Variants in GALNTL6 observed in about 807,000 individuals in gnomAD.
GALNTL6 encodes the protein polypeptide N-acetylgalactosaminyltransferase like 6.
GALNTL6 carries 46 observed loss-of-function variants against 73.7 expected under a neutral mutation model. That is an observed-to-expected ratio of 0.62 (90% CI 0.49 to 0.80). GALNTL6 has a LOEUF of 0.80. GALNTL6 is among the 30% of genes least tolerant of loss of function. The pLI, the probability that GALNTL6 is intolerant of heterozygous loss-of-function variation, is 0.00. For missense variants in GALNTL6, 604 were observed against 755.0 expected (o/e 0.80, Z 2.34); for synonymous variants, 259 against 263.7 (o/e 0.98, Z 0.17).
At chr4:172,521,226 A>G (rs927352226) in intron 5 of GALNTL6, among the ~76,000 whole-genome samples, 3 of 152,140 alleles carry the variant, frequency 2.0e-5, no homozygotes, top group Non-Finnish European at 2.9e-5. Context: ...ACTTTAAGAC[A>G]GTATCTGTTT....
chr4:172,108,600 C>A (rs548821270), intron 2 of GALNTL6, among the ~76,000 whole-genome samples: 62 of 152,278 alleles, frequency 4.1e-4, no homozygotes, highest in African/African-American at 1.4e-3. Context: ...CATCCGGAAA[C>A]ACCCTCACAG....
rs199588709 is a variant in GALNTL6 at position 172,567,026 on chromosome 4, TAA to T, written c.553+218350_553+218351del. On this transcript the variant is annotated intron_variant, in intron 5 of 12. Coordinates refer to ENST00000506823, the MANE Select transcript of GALNTL6 (RefSeq NM_001034845.3). ...AACTTTTGACACTGTGAAGCTCCTT[TAA>T]AAAAAAAAAAAAGAATTCTGTTGTA... 1.7e-3 allele frequency among the ~76,000 whole-genome samples: 238 copies of T among 141,816 alleles called. 1 individual carries two copies. Among genetic ancestry groups the T allele is most frequent in the African/African-American group, 5.6e-3 (217 of 38,814 alleles). 93.0% of individuals were successfully genotyped at this position (141,816 alleles called of 152,430 possible). A position where few individuals can be genotyped will look rare whatever the true frequency, so the allele number is the denominator to read the frequency against.
intron 2 of GALNTL6, among the ~76,000 whole-genome samples, chr4:171,970,416 G>C (rs1170494932): frequency 6.6e-6 from 1 of 152,194 alleles, no homozygotes; most frequent in Non-Finnish European, 1.5e-5. Context: ...GAATACTAGT[G>C]ATGGATCTTG....
chr4:172,561,717 AGCCT>A (rs1736375810), intron 5 of GALNTL6, among the ~76,000 whole-genome samples: 1 of 152,128 alleles, frequency 6.6e-6, no homozygotes, highest in South Asian at 2.1e-4. Context: ...TCACCTGGGA[AGCCT>A]CTTAAAATCT....
At chr4:171,845,111 C>G (rs1359135638) in intron 2 of GALNTL6, among the ~76,000 whole-genome samples, 1 of 152,112 alleles carries the variant, frequency 6.6e-6, no homozygotes, top group African/African-American at 2.4e-5. Flanking sequence ...ATTTGCCAAG[C>G]AATAGTTAGT....
intron 2 of GALNTL6, among the ~76,000 whole-genome samples, chr4:172,007,897 G>T (rs1480437375): frequency 6.6e-6 from 1 of 151,952 alleles, no homozygotes; most frequent in Non-Finnish European, 1.5e-5. Flanking sequence ...GTAACATTGG[G>T]ATCTTTTTAT....
chr4:172,543,353 C>T (rs1735642684), intron 5 of GALNTL6, among the ~76,000 whole-genome samples: 1 of 152,166 alleles, frequency 6.6e-6, no homozygotes, highest in African/African-American at 2.4e-5. Context: ...TGGCTTTATC[C>T]AAAAGCTAAG....
Position 172,813,713 on chromosome 4 carries a change from G to A in GALNTL6, c.913G>A (p.Asp305Asn), listed in dbSNP as rs747168529. ...AGAGCTCCAGAGGGCAGATCCCAGCGACCCTTTTGAGTGAGTAGCAGCCAA... is the reference window on the plus strand; with the variant it reads ...AGAGCTCCAGAGGGCAGATCCCAGCAACCCTTTTGAGTGAGTAGCAGCCAA... ...PPELQRADPS[D>N]PFESPVMAGG... Residue 305 changes from aspartate (D) to asparagine (N), a missense_variant, in exon 7 of 13, where the codon GAC (aspartate) becomes AAC (asparagine). Around this residue, in one of 5 missense-constraint regions of GALNTL6, gnomAD observed 179 missense variants for 230.8 expected, o/e 0.78. Coordinates refer to ENST00000506823, the MANE Select transcript of GALNTL6 (RefSeq NM_001034845.3). 5.0e-6 allele frequency: 8 copies of A among 1,595,564 alleles called. No homozygotes were observed. The highest frequency in any genetic ancestry group is 6.0e-6 in the Non-Finnish European group (7 of 1,165,808).
chr4:172,139,014 T>A (rs1011830653), intron 2 of GALNTL6, among the ~76,000 whole-genome samples: 1 of 152,096 alleles, frequency 6.6e-6, no homozygotes, highest in Admixed American at 6.6e-5. Flanking sequence ...AAGAGATAGA[T>A]CAATCGATCA....
intron 5 of GALNTL6, among the ~76,000 whole-genome samples, chr4:172,581,429 G>A (rs1014993200): frequency 4.6e-5 from 7 of 152,096 alleles, no homozygotes; most frequent in African/African-American, 7.2e-5. Flanking sequence ...CCCAGTCTTC[G>A]AGTTCATCAT....
chr4:172,168,655 G>T (rs1159959366), intron 2 of GALNTL6, among the ~76,000 whole-genome samples: 1 of 151,918 alleles, frequency 6.6e-6, no homozygotes, highest in Non-Finnish European at 1.5e-5. Context: ...AGCTGGTGAT[G>T]GTGATGATGG....
At chr4:172,465,929 T>C (rs1337578478) in intron 5 of GALNTL6, among the ~76,000 whole-genome samples, 1 of 152,238 alleles carries the variant, frequency 6.6e-6, no homozygotes. Flanking sequence ...TTCCTAATAT[T>C]GTACAGATTG....
chr4:171,979,280 C>G (rs1217373353), intron 2 of GALNTL6, among the ~76,000 whole-genome samples: 1 of 152,154 alleles, frequency 6.6e-6, no homozygotes, highest in African/African-American at 2.4e-5. Context: ...TTTTCCCATT[C>G]TATAATCTTC....
rs146082754 is a variant in GALNTL6 at position 172,940,865 on chromosome 4, G to A, written c.1149+9597G>A. ...TTTTTGTATTTTTGGTAGAGACGGGGTCTCACTATGTTGCTAAGGCTGGTC... is the reference window on the plus strand; with the variant it reads ...TTTTTGTATTTTTGGTAGAGACGGGATCTCACTATGTTGCTAAGGCTGGTC... On this transcript the variant is annotated intron_variant, in intron 9 of 12. Transcript: ENST00000506823. Among the ~76,000 whole-genome samples, 522 of 152,078 alleles carry A rather than the reference G, an allele frequency of 3.4e-3. 2 individuals are homozygous for A. The highest frequency in any genetic ancestry group is 0.012 in the African/African-American group (498 of 41,476).
At chr4:171,976,705 G>C (rs1739733378) in intron 2 of GALNTL6, among the ~76,000 whole-genome samples, 1 of 152,180 alleles carries the variant, frequency 6.6e-6, no homozygotes, top group African/African-American at 2.4e-5. Flanking sequence ...CATATCCTAT[G>C]AAATAACTGT....
At chr4:172,469,989 A>G (rs1029413154) in intron 5 of GALNTL6, among the ~76,000 whole-genome samples, 1 of 152,170 alleles carries the variant, frequency 6.6e-6, no homozygotes, top group East Asian at 1.9e-4. Flanking sequence ...AAAAAGCTGG[A>G]AAATGATGTA....
At chr4:172,942,623 T>C (rs1466944967) in intron 9 of GALNTL6, among the ~76,000 whole-genome samples, 2 of 152,182 alleles carry the variant, frequency 1.3e-5, no homozygotes, top group Non-Finnish European at 2.9e-5. Flanking sequence ...CATATGCTTG[T>C]GCACCCACTT....
chr4:171,982,983 C>T (rs1445415089), intron 2 of GALNTL6, among the ~76,000 whole-genome samples: 1 of 152,182 alleles, frequency 6.6e-6, no homozygotes, highest in African/African-American at 2.4e-5. Context: ...ATGTAACCAT[C>T]TGCTTCATGG....
At chr4:172,166,377 C>T (rs867137040) in intron 2 of GALNTL6, among the ~76,000 whole-genome samples, 2 of 151,512 alleles carry the variant, frequency 1.3e-5, no homozygotes, top group South Asian at 4.2e-4. Context: ...ACCCAGGAGG[C>T]GGAGGTTGCA....
Sources: gnomAD v4.1 joint callset for allele counts (sites outside exome capture counted in the v4.1 genomes callset) on GRCh38, gnomAD v4.1.1 for gene constraint, gnomAD v4.1.1 regional missense constraint, MANE v1.5 for transcripts, NCBI Gene and HGNC (gene_info 2026-07-23, HGNC 2026-07-21) for gene names.